Variants in EIF2B3 observed in about 807,000 individuals in gnomAD.
EIF2B3 encodes the protein translation initiation factor eIF2B subunit gamma.
Under a neutral mutation model 54.1 loss-of-function variants are expected in EIF2B3, and 20 were observed. The ratio of observed to expected loss-of-function variants is 0.37; its 90% CI spans 0.26 to 0.54. The LOEUF (loss-of-function observed/expected upper bound fraction) is 0.54, where lower values mean the gene tolerates loss of function less well. Among genes scored for constraint, EIF2B3 ranks in the 20% least tolerant of loss-of-function variants. The pLI, the probability that EIF2B3 is intolerant of heterozygous loss-of-function variation, is 0.86. For missense variants in EIF2B3, 448 were observed against 547.8 expected (o/e 0.82, Z 1.82); for synonymous variants, 153 against 188.1 (o/e 0.81, Z 1.52).
At chr1:44,869,466 A>G (rs1654887561) in intron 10 of EIF2B3, among the ~76,000 whole-genome samples, 1 of 149,720 alleles carries the variant, frequency 6.7e-6, no homozygotes, top group Non-Finnish European at 1.5e-5. Flanking sequence ...TGACAGAGTG[A>G]GACTATCTCG....
At chr1:44,922,681 T>A (rs1187185395) in intron 5 of EIF2B3, among the ~76,000 whole-genome samples, 1 of 151,758 alleles carries the variant, frequency 6.6e-6, no homozygotes, top group Non-Finnish European at 1.5e-5. Context: ...ACATGGAATA[T>A]CTTTCCATTT....
At chr1:44,905,574 GA>G (rs367559738) in intron 5 of EIF2B3, among the ~76,000 whole-genome samples, 61 of 146,726 alleles carry the variant, frequency 4.2e-4, no homozygotes, top group South Asian at 8.6e-4. Context: ...AGTGGTCCTG[GA>G]AAAAAAAAAA....
chr1:44,952,088 A>G (rs1271215313), intron 3 of EIF2B3, among the ~76,000 whole-genome samples: 1 of 129,696 alleles, frequency 7.7e-6, no homozygotes, highest in Non-Finnish European at 1.7e-5. Context: ...TCAGCCTCCC[A>G]AGTAGCTGGG....
chr1:44,857,595 C>T (rs761382383), intron 11 of EIF2B3, 109 bp downstream of exon 11: 5 of 1,006,186 alleles, frequency 5.0e-6, no homozygotes, highest in Admixed American at 1.8e-5. Context: ...TTTATGTTCT[C>T]GCCCGCAGTG....
rs768263508 is a variant in EIF2B3, at chr1:44,877,192, T to TAAAAAAAAAAAAAAAA, written c.976-1513_976-1498dup. The stretch of plus-strand genomic sequence containing the variant: ...GCGAGAAACACCCAAGAATGATCAA[T>TAAAAAAAAAAAAAAAA]AAAAAAAAAAAAAAAAAAAAAAAAA... On this transcript the variant is annotated intron_variant, in intron 8 of 11. Transcript: ENST00000360403. 3.5e-4 allele frequency among the ~76,000 whole-genome samples: 18 copies of TAAAAAAAAAAAAAAAA among 52,072 alleles called. 4 individuals are homozygous for TAAAAAAAAAAAAAAAA. Among genetic ancestry groups the TAAAAAAAAAAAAAAAA allele is most frequent in the African/African-American group, 1.5e-3 (17 of 11,208 alleles). 34.2% of individuals were successfully genotyped at this position (52,072 alleles called of 152,430 possible).
At chr1:44,958,714 G>A (rs2148952795) in intron 3 of EIF2B3, 1 of 1,591,334 alleles carries the variant, frequency 6.3e-7, no homozygotes, top group East Asian at 2.2e-5. Flanking sequence ...GCCTGAAACA[G>A]TACCCTTTCT....
chr1:44,935,178 T>TA (rs1223070967), intron 4 of EIF2B3, among the ~76,000 whole-genome samples: 1 of 152,202 alleles, frequency 6.6e-6, no homozygotes, highest in Admixed American at 6.5e-5. Context: ...TTCCAAGAGA[T>TA]ACAGTGGGAC....
At chr1:44,923,939 C>T (rs1259862168) in intron 5 of EIF2B3, among the ~76,000 whole-genome samples, 2 of 145,096 alleles carry the variant, frequency 1.4e-5, no homozygotes, top group African/African-American at 5.5e-5. Context: ...TAATTTCTTT[C>T]CTTTTTTTTT....
At chr1:44,873,647 ATTTT>A (rs1005119174) in intron 10 of EIF2B3, among the ~76,000 whole-genome samples, 31 of 148,276 alleles carry the variant, frequency 2.1e-4, no homozygotes, top group African/African-American at 7.4e-4. Context: ...TTATTTATTT[ATTTT>A]TTTTTTTGAG....
intron 10 of EIF2B3, among the ~76,000 whole-genome samples, chr1:44,869,078 T>C (rs1213347142): frequency 6.6e-6 from 1 of 152,188 alleles, no homozygotes; most frequent in Non-Finnish European, 1.5e-5. Flanking sequence ...AGATATTCTT[T>C]AGAAAGACAA....
At chr1:44,926,570 G>T in intron 5 of EIF2B3, 58 bp downstream of exon 5, 1 of 1,336,162 alleles carries the variant, frequency 7.5e-7, no homozygotes, top group African/African-American at 1.4e-5. Flanking sequence ...TCCACTGGGT[G>T]GTTTTATTTT....
intron 5 of EIF2B3, among the ~76,000 whole-genome samples, chr1:44,920,332 G>T (rs977129264): frequency 1.3e-4 from 20 of 152,056 alleles, no homozygotes; most frequent in Admixed American, 1.2e-3. Context: ...AATCACATCA[G>T]GGTAAATGGG....
chr1:44,948,815 C>T (rs1308142354), intron 3 of EIF2B3, among the ~76,000 whole-genome samples: 1 of 152,026 alleles, frequency 6.6e-6, no homozygotes, highest in Middle Eastern at 3.2e-3. Context: ...TTCTCTCCCC[C>T]AACTCCCCTC....
intron 3 of EIF2B3, among the ~76,000 whole-genome samples, chr1:44,972,141 C>A (rs138058506): frequency 6.6e-6 from 1 of 151,942 alleles, no homozygotes; most frequent in East Asian, 1.9e-4. Flanking sequence ...GTAATCCCAG[C>A]ACTTTGGGAG....
chr1:44,903,976 C>T (rs1395729441), intron 5 of EIF2B3, among the ~76,000 whole-genome samples: 1 of 152,082 alleles, frequency 6.6e-6, no homozygotes, highest in Non-Finnish European at 1.5e-5. Flanking sequence ...ACTCAGGAGG[C>T]CAAGGCAGGA....
chr1:44,945,210 T>G (rs866279149), intron 3 of EIF2B3, among the ~76,000 whole-genome samples: 1 of 151,990 alleles, frequency 6.6e-6, no homozygotes, highest in Admixed American at 6.6e-5. Flanking sequence ...CCTACTCTTC[T>G]GCTTAAGGCT....
intron 5 of EIF2B3, among the ~76,000 whole-genome samples, chr1:44,925,606 T>TA (rs912442424): frequency 2.0e-5 from 3 of 152,168 alleles, no homozygotes; most frequent in African/African-American, 7.2e-5. Flanking sequence ...TGAACACATT[T>TA]AACACTACTC....
At chr1:44,920,468 T>C (rs182060089) in intron 5 of EIF2B3, among the ~76,000 whole-genome samples, 1 of 152,266 alleles carries the variant, frequency 6.6e-6, no homozygotes, top group African/African-American at 2.4e-5. Context: ...TAGCAAATAT[T>C]AGGTTTTATT....
chr1:44,899,633 C>T (rs1346672926), intron 5 of EIF2B3, among the ~76,000 whole-genome samples: 1 of 152,222 alleles, frequency 6.6e-6, no homozygotes, highest in Non-Finnish European at 1.5e-5. Context: ...GATACCACCT[C>T]ATGCCAGTCA....
Sources: allele counts gnomAD v4.1 joint callset (sites outside exome capture counted in the v4.1 genomes callset), GRCh38; gene constraint gnomAD v4.1.1; transcripts MANE v1.5; gene names NCBI Gene and HGNC (gene_info 2026-07-23, HGNC 2026-07-21).